BBS9: variants seen among roughly 807,000 people sequenced by gnomAD.
BBS9 encodes protein PTHB1.
Under a neutral mutation model 117.7 loss-of-function variants are expected in BBS9, and 89 were observed. The ratio of observed to expected loss-of-function variants is 0.76; its 90% confidence interval spans 0.64 to 0.90. BBS9 has a LOEUF of 0.90. Among genes scored for constraint, BBS9 ranks in the 40% least tolerant of loss-of-function variants. BBS9 has a pLI of 0.00. For missense variants in BBS9, 982 were observed against 1,042.2 expected (o/e 0.94, Z 0.80); for synonymous variants, 379 against 370.9 (o/e 1.02, Z -0.25).
chr7:33,605,069 C>A, intron 22 of BBS9, 94 bp downstream of exon 22: 3 of 1,462,376 alleles, frequency 2.1e-6, no homozygotes, highest in South Asian at 2.3e-5. Flanking sequence ...TTCCGCAAAG[C>A]TGCTTGTTTT....
At position 33,389,414 on chromosome 7, in the gene BBS9, G is replaced by C. The variant is rs556493050; in HGVS notation, c.2115+1270G>C. ...CTTAAAATTTTCTTGGTTAGGCTGG[G>C]CATGGTGGCTCACGCCTGTAATCCC... On this transcript the variant is annotated intron_variant, in intron 19 of 22. Coordinates refer to ENST00000242067, the MANE Select transcript of BBS9 (RefSeq NM_198428.3). 2.1e-4 allele frequency among the ~76,000 whole-genome samples: 32 copies of C among 152,234 alleles called. No homozygotes were observed. The East Asian group carries it at 6.0e-3, about 29-fold the overall frequency.
At chr7:33,394,845 T>G (rs1176437420) in intron 19 of BBS9, among the ~76,000 whole-genome samples, 2 of 152,208 alleles carry the variant, frequency 1.3e-5, no homozygotes, top group Admixed American at 6.5e-5. Context: ...ATTACTTCAT[T>G]TAATACTTAG....
At chr7:33,303,063 A>G (rs1407656275) in intron 9 of BBS9, among the ~76,000 whole-genome samples, 1 of 151,978 alleles carries the variant, frequency 6.6e-6, no homozygotes, top group Non-Finnish European at 1.5e-5. Context: ...TTCATTTTTC[A>G]GATTGTTCAT....
intron 4 of BBS9, among the ~76,000 whole-genome samples, chr7:33,165,904 G>C (rs149879760): frequency 1.1e-3 from 168 of 152,282 alleles, no homozygotes; most frequent in African/African-American, 3.9e-3. Flanking sequence ...ATCCTTTGGA[G>C]GAGAAGAGGT....
chr7:33,546,317 C>T (rs1229744000), intron 21 of BBS9, among the ~76,000 whole-genome samples: 1 of 152,066 alleles, frequency 6.6e-6, no homozygotes, highest in Non-Finnish European at 1.5e-5. Flanking sequence ...TTAACCAGTT[C>T]CCTTTTGTCA....
At chr7:33,148,795 A>T (rs182551892) in intron 2 of BBS9, among the ~76,000 whole-genome samples, 1 of 144,956 alleles carries the variant, frequency 6.9e-6, no homozygotes, top group South Asian at 2.2e-4. Flanking sequence ...TTTTATTTTT[A>T]TTTTTTTTGT....
intron 21 of BBS9, among the ~76,000 whole-genome samples, chr7:33,617,448 T>C (rs576152135): frequency 6.6e-6 from 1 of 152,230 alleles, no homozygotes; most frequent in Admixed American, 6.5e-5. Context: ...TGCCTCCTTC[T>C]TCAAATGTGC....
chr7:33,452,378 T>A (rs1838013095), intron 19 of BBS9, among the ~76,000 whole-genome samples: 1 of 152,150 alleles, frequency 6.6e-6, no homozygotes, highest in Non-Finnish European at 1.5e-5. Context: ...TCAGCCCTTC[T>A]TTTCCCTCAC....
chr7:33,584,354 G>A (rs2598390), intron 21 of BBS9, among the ~76,000 whole-genome samples: 60,664 of 151,608 alleles, frequency 0.4, 16,608 homozygotes, highest in African/African-American at 0.78. Context: ...TTGAATTTCT[G>A]GAACAATGTC....
At chr7:33,296,711 A>G (rs950056041) in intron 9 of BBS9, among the ~76,000 whole-genome samples, 2 of 152,116 alleles carry the variant, frequency 1.3e-5, no homozygotes, top group African/African-American at 2.4e-5. Flanking sequence ...TTTCTTTCCA[A>G]CAGAGGCGAA....
At chr7:33,245,103 A>C (rs1436784093) in intron 5 of BBS9, among the ~76,000 whole-genome samples, 1 of 152,184 alleles carries the variant, frequency 6.6e-6, no homozygotes, top group African/African-American at 2.4e-5. Flanking sequence ...TTTATGAAAT[A>C]CTAAGGGATC....
intron 1 of BBS9, among the ~76,000 whole-genome samples, chr7:33,140,534 G>T (rs531029765): frequency 3.9e-5 from 6 of 152,204 alleles, no homozygotes; most frequent in African/African-American, 1.4e-4. Context: ...GTGAATTTGG[G>T]TAATATTTTG....
chr7:33,332,855 C>T (rs1814420461), intron 9 of BBS9, among the ~76,000 whole-genome samples: 1 of 152,060 alleles, frequency 6.6e-6, no homozygotes, highest in African/African-American at 2.4e-5. Context: ...TGGTAAAATA[C>T]ACATAACATA....
intron 4 of BBS9, among the ~76,000 whole-genome samples, chr7:33,160,473 T>C (rs1354613258): frequency 6.6e-6 from 1 of 152,176 alleles, no homozygotes; most frequent in Non-Finnish European, 1.5e-5. Context: ...AAGTATACTC[T>C]ATGAATACAC....
At chr7:33,308,468 G>A (rs1304785446) in intron 9 of BBS9, among the ~76,000 whole-genome samples, 1 of 152,206 alleles carries the variant, frequency 6.6e-6, no homozygotes, top group Non-Finnish European at 1.5e-5. Flanking sequence ...TGCTTTTACT[G>A]GAGTGTACTA....
intron 19 of BBS9, among the ~76,000 whole-genome samples, chr7:33,481,872 G>T (rs1302439079): frequency 6.6e-6 from 1 of 152,160 alleles, no homozygotes; most frequent in Non-Finnish European, 1.5e-5. Context: ...GAATTTTTAG[G>T]TCTGATTTTA....
chr7:33,214,543 AGGTGTTAAAATTT>A (rs1033143577), intron 5 of BBS9, among the ~76,000 whole-genome samples: 1 of 152,188 alleles, frequency 6.6e-6, no homozygotes, highest in African/African-American at 2.4e-5. Flanking sequence ...ATGGGCAGAT[AGGTGTTAAAATTT>A]GGTGTTCCTG....
chr7:33,487,507 C>T (rs1843278978), intron 19 of BBS9, among the ~76,000 whole-genome samples: 2 of 152,150 alleles, frequency 1.3e-5, no homozygotes, highest in Admixed American at 1.3e-4. Context: ...CTACTTTTTA[C>T]ATTAGAGAAA....
intron 5 of BBS9, among the ~76,000 whole-genome samples, chr7:33,240,648 T>C (rs1794351421): frequency 6.6e-6 from 1 of 152,234 alleles, no homozygotes; most frequent in African/African-American, 2.4e-5. Context: ...AAAAAAATTG[T>C]TTTAGAATAT....
Sources: allele counts gnomAD v4.1 joint callset (sites outside exome capture counted in the v4.1 genomes callset), GRCh38; gene constraint gnomAD v4.1.1; transcripts MANE v1.5; gene names NCBI Gene and HGNC (gene_info 2026-07-23, HGNC 2026-07-21).